RNF24: variants seen among roughly 807,000 people sequenced by gnomAD.
RNF24 encodes the protein ring finger protein 24.
Under a neutral mutation model 20.0 loss-of-function variants are expected in RNF24, and 14 were observed. The ratio of observed to expected loss-of-function variants is 0.70; its 90% CI spans 0.46 to 1.10. RNF24 has a LOEUF of 1.10. Ranked by LOEUF, RNF24 falls within the 50% of genes least tolerant of loss-of-function variation. The pLI is 0.00. For synonymous variants in RNF24, 45 were observed against 61.1 expected (o/e 0.74, Z 1.23); for missense variants, 124 against 177.6 (o/e 0.70, Z 1.71).
At chr20:3,970,718 C>T (rs1198846594) in intron 1 of RNF24, among the ~76,000 whole-genome samples, 1 of 151,992 alleles carries the variant, frequency 6.6e-6, no homozygotes, top group African/African-American at 2.4e-5. Flanking sequence ...AAGCGATGGG[C>T]TCAACAGCAG....
intron 1 of RNF24, among the ~76,000 whole-genome samples, chr20:3,975,278 C>T (rs1568642645): frequency 6.6e-6 from 1 of 151,970 alleles, no homozygotes; most frequent in Non-Finnish European, 1.5e-5. Context: ...TGAACTTAAA[C>T]TTAAAATGCA....
At chr20:3,974,204 T>C in intron 1 of RNF24, 1 of 867,882 alleles carries the variant, frequency 1.2e-6, no homozygotes, top group Middle Eastern at 2.4e-4. Context: ...GAAATAGAAA[T>C]GGAAGAGAAC....
Position 3,928,387 on chromosome 20 carries a change from CTG to C in RNF24, c.*5674_*5675del. On this transcript the variant is annotated 3_prime_UTR_variant, in exon 6 of 6. Transcript: ENST00000358395. ...AGCTGCTGGGAAGCGAGGCACAAGT[CTG>C]TGCCCCTACTCCCAGGGCTGCCTGG... 1 of 152,322 alleles carries C rather than the reference CTG, an allele frequency of 6.6e-6. No homozygotes were observed. Among genetic ancestry groups the C allele is most frequent in the Non-Finnish European group, 1.5e-5 (1 of 68,052 alleles). 9.4% of individuals were successfully genotyped at this position (152,322 alleles called of 1,614,324 possible).
chr20:4,005,977 G>C (rs1428264849), intron 1 of RNF24, among the ~76,000 whole-genome samples: 4 of 152,196 alleles, frequency 2.6e-5, no homozygotes, highest in Non-Finnish European at 5.9e-5. Flanking sequence ...GCTAAAGGAA[G>C]TGAAGAACTG....
At chr20:4,008,418 ATT>A (rs1491115861) in intron 1 of RNF24, among the ~76,000 whole-genome samples, 68 of 41,016 alleles carry the variant, frequency 1.7e-3, no homozygotes, top group African/African-American at 2.6e-3. Flanking sequence ...TAATATATAT[ATT>A]ATATATAATA....
At chr20:3,986,741 G>A (rs1437045599) in intron 1 of RNF24, among the ~76,000 whole-genome samples, 2 of 150,566 alleles carry the variant, frequency 1.3e-5, no homozygotes, top group Non-Finnish European at 3.0e-5. Context: ...TTGGCCTCTC[G>A]GGTTCAAGCA....
intron 1 of RNF24, among the ~76,000 whole-genome samples, chr20:4,005,724 A>G (rs1425612548): frequency 6.6e-6 from 1 of 152,200 alleles, no homozygotes; most frequent in Non-Finnish European, 1.5e-5. Flanking sequence ...ACAGGTAGCT[A>G]TAATTTTTTT....
intron 2 of RNF24, among the ~76,000 whole-genome samples, chr20:3,963,394 T>C (rs1405534970): frequency 6.6e-6 from 1 of 152,000 alleles, no homozygotes; most frequent in Non-Finnish European, 1.5e-5. Context: ...AGTTCCACCA[T>C]GTTGGCCAGG....
chr20:3,946,555 G>A (rs998689121), intron 3 of RNF24, among the ~76,000 whole-genome samples: 3 of 151,868 alleles, frequency 2.0e-5, no homozygotes, highest in Non-Finnish European at 4.4e-5. Context: ...CGGGGGTGGT[G>A]GTGTGCGCCT....
intron 1 of RNF24, among the ~76,000 whole-genome samples, chr20:3,979,340 AAAAGG>A (rs1418947143): frequency 6.6e-6 from 1 of 152,096 alleles, no homozygotes; most frequent in East Asian, 1.9e-4. Context: ...AAAGATAAAC[AAAAGG>A]AAACTACTTA....
chr20:3,982,159 T>C (rs1031506979), intron 1 of RNF24, among the ~76,000 whole-genome samples: 4 of 140,048 alleles, frequency 2.9e-5, no homozygotes, highest in Admixed American at 1.4e-4. Context: ...ATAAATGCTA[T>C]TGTGAAGTTA....
chr20:3,971,213 A>G (rs2147003449), intron 1 of RNF24, among the ~76,000 whole-genome samples: 1 of 152,320 alleles, frequency 6.6e-6, no homozygotes, highest in African/African-American at 2.4e-5. Context: ...AAAGGAAGGA[A>G]CACATTTTTC....
intron 1 of RNF24, among the ~76,000 whole-genome samples, chr20:3,981,906 C>T (rs1979418633): frequency 6.6e-6 from 1 of 151,794 alleles, no homozygotes; most frequent in Non-Finnish European, 1.5e-5. Context: ...ATCACTTGAG[C>T]TCAGGAGTTC....
chr20:3,983,060 C>T (rs1308362994), intron 1 of RNF24, among the ~76,000 whole-genome samples: 2 of 152,130 alleles, frequency 1.3e-5, no homozygotes, highest in African/African-American at 2.4e-5. Context: ...TGATGCCCTC[C>T]ACCATGTTAT....
chr20:4,001,359 A>G (rs541184578), intron 1 of RNF24, among the ~76,000 whole-genome samples: 1 of 152,364 alleles, frequency 6.6e-6, no homozygotes, highest in African/African-American at 2.4e-5. Flanking sequence ...AAATGCCTGA[A>G]AAAATATTAA....
intron 1 of RNF24, among the ~76,000 whole-genome samples, chr20:4,011,220 A>T (rs1982434922): frequency 6.6e-6 from 1 of 152,220 alleles, no homozygotes. Context: ...ATGTCTTCAA[A>T]ACAGTCACAT....
chr20:3,953,626 G>A (rs972369985), intron 2 of RNF24, among the ~76,000 whole-genome samples: 9 of 151,428 alleles, frequency 5.9e-5, no homozygotes, highest in South Asian at 2.1e-4. Flanking sequence ...CACCACGCCC[G>A]GCTAATTTCT....
At chr20:3,997,511 C>T (rs1980984351) in intron 1 of RNF24, among the ~76,000 whole-genome samples, 2 of 151,756 alleles carry the variant, frequency 1.3e-5, no homozygotes, top group South Asian at 4.1e-4. Flanking sequence ...ACTGTCGCCT[C>T]AAACTCCCAT....
rs241600 is a variant in RNF24 at position 3,930,623 on chromosome 20, T to G, written c.*3440A>C. On this transcript the variant is annotated 3_prime_UTR_variant, in exon 6 of 6. Transcript: ENST00000358395. ...ATCACTCTCTGCCTGGAGCTCTGGG[T>G]ATACTGCCCTGGATGTATCAGGATG... The G allele has an allele frequency of 0.49, 74,591 of 151,664 alleles. 19,421 individuals carry two copies. Among genetic ancestry groups the G allele is most frequent in the African/African-American group, 0.68 (28,043 of 41,284 alleles). The allele number at this position is 151,664 out of a possible 1,614,324, so 9.4% of individuals were successfully genotyped here.
Sources: gnomAD v4.1 joint callset for allele counts (sites outside exome capture counted in the v4.1 genomes callset) on GRCh38, gnomAD v4.1.1 for gene constraint, MANE v1.5 for transcripts, NCBI Gene and HGNC (gene_info 2026-07-23, HGNC 2026-07-21) for gene names.